Variants in CDC14B observed in about 807,000 individuals in gnomAD.
CDC14B encodes dual specificity protein phosphatase CDC14B.
CDC14B carries 22 observed loss-of-function variants against 64.2 expected under a neutral mutation model. That is an observed-to-expected ratio of 0.34 (90% CI 0.24 to 0.49). CDC14B has a LOEUF of 0.49. CDC14B is among the 20% of genes least tolerant of loss of function. The pLI, the probability that CDC14B is intolerant of heterozygous loss-of-function variation, is 0.99. For synonymous variants in CDC14B, 191 were observed against 215.8 expected (o/e 0.89, Z 1.01); for missense variants, 498 against 629.9 (o/e 0.79, Z 2.24).
In CDC14B at chr9:96,564,801, A is replaced by G. The variant is rs776018877; in HGVS notation, c.303T>C (p.Cys101=). 2 of 1,602,344 alleles carry G rather than the reference A, an allele frequency of 1.2e-6. No homozygotes were observed. Among genetic ancestry groups the G allele is most frequent in the South Asian group, 1.1e-5 (1 of 88,988 alleles). The change falls in exon 3 of 14, where the codon TGT becomes TGC. Residue 101 remains cysteine (C), a synonymous_variant. Transcript: ENST00000375241. ...CCTTTAATTTCTTATTGATCTTGCA[A>G]CAATATCTGTAAACCATTGCCAGAT... ...PLNLAMVYRY[C]CKINKKLKSI... is the part of the protein sequence containing the mutation.
intron 12 of CDC14B, among the ~76,000 whole-genome samples, chr9:96,518,977 A>G (rs529364967): frequency 1.3e-5 from 2 of 152,074 alleles, no homozygotes; most frequent in African/African-American, 4.8e-5. Flanking sequence ...TCTACTAAAA[A>G]TACAAAAATT....
intron 9 of CDC14B, among the ~76,000 whole-genome samples, chr9:96,532,301 A>G (rs1274250836): frequency 2.6e-5 from 4 of 152,216 alleles, no homozygotes; most frequent in Admixed American, 6.5e-5. Context: ...CATTTTGAAT[A>G]TATCAACCCA....
chr9:96,589,956 A>G (rs898053967), intron 1 of CDC14B, among the ~76,000 whole-genome samples: 1 of 151,176 alleles, frequency 6.6e-6, no homozygotes, highest in Non-Finnish European at 1.5e-5. Flanking sequence ...GCAAGACTCC[A>G]TCTCAAAAAA....
chr9:96,509,229 C>T (rs1438068250), intron 13 of CDC14B, among the ~76,000 whole-genome samples: 4 of 152,186 alleles, frequency 2.6e-5, no homozygotes, highest in African/African-American at 9.7e-5. Context: ...ACTAGTGCCT[C>T]GGGTGTGGGC....
intron 1 of CDC14B, among the ~76,000 whole-genome samples, chr9:96,566,226 C>T (rs1462627435): frequency 6.6e-6 from 1 of 152,170 alleles, no homozygotes; most frequent in African/African-American, 2.4e-5. Context: ...AAGTCATCCA[C>T]AATATCTAAT....
Position 96,572,056 on chromosome 9 carries a change from A to C in CDC14B, c.161-6573T>G, listed in dbSNP as rs1165161435. Among the ~76,000 whole-genome samples, 5 of 152,250 alleles carry C rather than the reference A, an allele frequency of 3.3e-5. No individual in the cohort carries two copies. In the South Asian group the frequency reaches 1.0e-3, roughly 32 times the overall value. ...GTTCAGAGGGCTCCTGGAGAGCTGA[A>C]CCACGGAGGCTGACAGGATGGTGAG... On this transcript the variant is annotated intron_variant, in intron 1 of 13. Coordinates refer to ENST00000375241, the MANE Select transcript of CDC14B (RefSeq NM_033331.4).
chr9:96,527,709 G>A lies in CDC14B; in HGVS notation c.947-3984C>T, dbSNP rs541147284. On this transcript the variant is annotated intron_variant, in intron 9 of 13. Coordinates refer to ENST00000375241, the MANE Select transcript of CDC14B (RefSeq NM_033331.4). ...CAGCTCACCGCAAGCTCCACCTCCC[G>A]GGTTCACGCCCTTCTCCTGCCTCAG... is the stretch of plus-strand genomic sequence containing the variant. Among the ~76,000 whole-genome samples, 9 of 151,948 alleles carry A rather than the reference G, an allele frequency of 5.9e-5. No individual in the cohort carries two copies. In the South Asian group the frequency reaches 8.3e-4, roughly 14 times the overall value.
chr9:96,615,148 T>C (rs1413868859), intron 1 of CDC14B, among the ~76,000 whole-genome samples: 1 of 152,142 alleles, frequency 6.6e-6, no homozygotes, highest in Non-Finnish European at 1.5e-5. Context: ...GCCTACACTG[T>C]CTTTATGACC....
intron 13 of CDC14B, among the ~76,000 whole-genome samples, chr9:96,504,237 C>T (rs981970426): frequency 1.3e-5 from 2 of 152,072 alleles, no homozygotes; most frequent in African/African-American, 4.8e-5. Context: ...AATTTGGTCA[C>T]AGAAAAAGCT....
At chr9:96,538,885 C>T in intron 7 of CDC14B, 193 bp downstream of exon 7, 1 of 531,252 alleles carries the variant, frequency 1.9e-6, no homozygotes, top group Non-Finnish European at 3.4e-6. Flanking sequence ...ATCACACACG[C>T]CAAAAGACTA....
intron 1 of CDC14B, among the ~76,000 whole-genome samples, chr9:96,611,610 C>T (rs979599652): frequency 6.6e-6 from 1 of 152,050 alleles, no homozygotes; most frequent in African/African-American, 2.4e-5. Context: ...TTCATTTTTC[C>T]CAGGGTAATA....
At chr9:96,562,316 G>T (rs1351896200) in intron 4 of CDC14B, among the ~76,000 whole-genome samples, 1 of 152,166 alleles carries the variant, frequency 6.6e-6, no homozygotes, top group African/African-American at 2.4e-5. Flanking sequence ...CCTGACCCCA[G>T]TAAGATGATT....
At chr9:96,514,753 G>A (rs1391746365) in intron 12 of CDC14B, 11 of 985,336 alleles carry the variant, frequency 1.1e-5, no homozygotes, top group Non-Finnish European at 1.2e-5. Flanking sequence ...GACACAGAAG[G>A]GTGGCGGTGG....
chr9:96,577,590 G>A (rs1844888635), intron 1 of CDC14B, among the ~76,000 whole-genome samples: 1 of 152,152 alleles, frequency 6.6e-6, no homozygotes, highest in East Asian at 1.9e-4. Flanking sequence ...TTGTGGTTAA[G>A]TGAACAGAGG....
At chr9:96,569,538 T>C (rs1844350419) in intron 1 of CDC14B, among the ~76,000 whole-genome samples, 1 of 152,210 alleles carries the variant, frequency 6.6e-6, no homozygotes, top group African/African-American at 2.4e-5. Context: ...AATATTTTAT[T>C]GTTAGAGTAA....
intron 9 of CDC14B, among the ~76,000 whole-genome samples, chr9:96,529,207 G>T (rs1564255070): frequency 6.6e-6 from 1 of 152,042 alleles, no homozygotes; most frequent in Non-Finnish European, 1.5e-5. Flanking sequence ...GAGTTTTATA[G>T]TTTTAAGTCC....
At chr9:96,536,328 A>G (rs547521197) in intron 7 of CDC14B, among the ~76,000 whole-genome samples, 1 of 152,364 alleles carries the variant, frequency 6.6e-6, no homozygotes, top group African/African-American at 2.4e-5. Context: ...TTATTCATTA[A>G]TAGCACACAA....
intron 1 of CDC14B, among the ~76,000 whole-genome samples, chr9:96,615,206 TA>T (rs1222556868): frequency 1.3e-5 from 2 of 152,030 alleles, no homozygotes; most frequent in Non-Finnish European, 2.9e-5. Flanking sequence ...ATAGTTCAAG[TA>T]AAAAAATCCG....
chr9:96,582,282 A>T (rs1845203099), intron 1 of CDC14B, among the ~76,000 whole-genome samples: 1 of 151,910 alleles, frequency 6.6e-6, no homozygotes, highest in Non-Finnish European at 1.5e-5. Context: ...TAACCATAAT[A>T]AAAAAATCAA....
Sources: gnomAD v4.1 joint callset for allele counts (sites outside exome capture counted in the v4.1 genomes callset) on GRCh38, gnomAD v4.1.1 for gene constraint, MANE v1.5 for transcripts, NCBI Gene and HGNC (gene_info 2026-07-23, HGNC 2026-07-21) for gene names.